Variants in KIF25 observed in about 807,000 individuals in gnomAD.
The protein encoded by KIF25 is kinesin-like protein KIF25.
In KIF25, 19 loss-of-function variants were observed where a neutral mutation model predicts 32.9. The ratio of observed to expected loss-of-function variants is 0.58; its 90% CI spans 0.40 to 0.85. KIF25 has a LOEUF of 0.85. KIF25 is among the 40% of genes least tolerant of loss of function. The probability of loss-of-function intolerance (pLI) is 0.00; values close to 1 mark genes in which losing one functional copy is unlikely to be tolerated. For synonymous variants in KIF25, 225 were observed against 213.7 expected, an observed-to-expected ratio of 1.05 and a Z score of -0.46; for missense variants, 485 against 507.0, an observed-to-expected ratio of 0.96 and a Z score of 0.42.
rs896424437 is a variant in KIF25 at position 167,998,807 on chromosome 6, T to G, written c.-662T>G. On this transcript the variant is annotated 5_prime_UTR_variant, in exon 1 of 13. Coordinates refer to ENST00000643607, the MANE Select transcript of KIF25 (RefSeq NM_030615.4). Reference sequence around the variant, plus strand: ...TGGCTCATGCCTATAATCCCAGAACTTTGGGAGGCCGAGGCGGGCGCATTA... The same window carrying G: ...TGGCTCATGCCTATAATCCCAGAACGTTGGGAGGCCGAGGCGGGCGCATTA... The G allele has an allele frequency of 6.6e-6, 1 of 152,142 alleles. No individual in the cohort carries two copies. Among genetic ancestry groups the G allele is most frequent in the Non-Finnish European group, 1.5e-5 (1 of 68,028 alleles). 9.4% of individuals were successfully genotyped at this position (152,142 alleles called of 1,614,324 possible).
At chr6:168,009,264 GT>G (rs199798456) in intron 4 of KIF25, among the ~76,000 whole-genome samples, 52 of 150,958 alleles carry the variant, frequency 3.4e-4, no homozygotes, top group East Asian at 2.9e-3. Context: ...ATTAAGAGTT[GT>G]TTTTTTTTAT....
At chr6:168,027,454 CAAAAA>C (rs757678230) in intron 5 of KIF25, among the ~76,000 whole-genome samples, 30,372 of 88,814 alleles carry the variant, frequency 0.34, 3,698 homozygotes, top group East Asian at 0.56. Flanking sequence ...ACTCTGTCTC[CAAAAA>C]AAAAAAAAAA....
chr6:168,008,944 C>T lies in KIF25; in HGVS notation c.-163+5241C>T, dbSNP rs538221875. Among the ~76,000 whole-genome samples, 10 of 152,024 alleles carry T rather than the reference C, an allele frequency of 6.6e-5. No individual in the cohort carries two copies. The East Asian group carries it at 7.7e-4, about 12-fold the overall frequency. On this transcript the variant is annotated intron_variant, in intron 4 of 12. Coordinates refer to ENST00000643607, the MANE Select transcript of KIF25 (RefSeq NM_030615.4). ...TTAATTTTGTATCCTGCAACTTTACCGAAGTTGTCGATCAGTTCTAAGAGA... is the reference window on the plus strand; with the variant it reads ...TTAATTTTGTATCCTGCAACTTTACTGAAGTTGTCGATCAGTTCTAAGAGA...
At chr6:168,027,350 G>A (rs924439024) in intron 5 of KIF25, among the ~76,000 whole-genome samples, 6 of 151,614 alleles carry the variant, frequency 4.0e-5, no homozygotes, top group Admixed American at 3.9e-4. Flanking sequence ...CTACTTGAGA[G>A]GCTGAGGCAG....
At chr6:168,026,242 G>A (rs1798858419) in intron 5 of KIF25, among the ~76,000 whole-genome samples, 1 of 152,146 alleles carries the variant, frequency 6.6e-6, no homozygotes, top group African/African-American at 2.4e-5. Context: ...AGAAGGAAGT[G>A]GAGCAGCACA....
At chr6:168,024,120 G>A (rs1026636635) in intron 5 of KIF25, among the ~76,000 whole-genome samples, 3 of 151,674 alleles carry the variant, frequency 2.0e-5, no homozygotes, top group African/African-American at 7.3e-5. Flanking sequence ...TAATTTGTAA[G>A]AGCAAAGCCA....
rs1470500781 is a variant in KIF25 at position 168,003,634 on chromosome 6, C to T, written c.-232C>T. The T allele has an allele frequency of 2.0e-5, 3 of 152,230 alleles. No homozygotes were observed. The highest frequency in any genetic ancestry group is 2.0e-4 in the Admixed American group (3 of 15,284). The allele number at this position is 152,230 out of a possible 1,614,324, so 9.4% of individuals were successfully genotyped here. A position where few individuals can be genotyped will look rare whatever the true frequency, so the allele number is the denominator to read the frequency against. On this transcript the variant is annotated 5_prime_UTR_variant, in exon 4 of 13. Coordinates refer to ENST00000643607, the MANE Select transcript of KIF25 (RefSeq NM_030615.4). ...CTCAGCTCCATCTCTAGAGAAGCGGCCCATGCTGTTGATGACCTGAGTCTA... is the reference window on the plus strand; with the variant it reads ...CTCAGCTCCATCTCTAGAGAAGCGGTCCATGCTGTTGATGACCTGAGTCTA...
intron 8 of KIF25, among the ~76,000 whole-genome samples, chr6:168,036,832 C>G (rs1032126473): frequency 6.6e-6 from 1 of 152,120 alleles, no homozygotes; most frequent in South Asian, 2.1e-4. Context: ...GAGGCTTAGG[C>G]GGGTGGATCA....
rs543713528 is a variant in KIF25 at position 167,998,360 on chromosome 6, T to A, written c.-1109T>A. On this transcript the variant is annotated 5_prime_UTR_variant, in exon 1 of 13. Coordinates refer to ENST00000643607, the MANE Select transcript of KIF25 (RefSeq NM_030615.4). ...AGAGGCTGATCCCAGCTTCTGTGGGTTCATAGAGACCAGACGGAGGCTGTA... is the reference window on the plus strand; with the variant it reads ...AGAGGCTGATCCCAGCTTCTGTGGGATCATAGAGACCAGACGGAGGCTGTA... 3 of 152,216 alleles carry A rather than the reference T, an allele frequency of 2.0e-5. No homozygotes were observed. Among genetic ancestry groups the A allele is most frequent in the African/African-American group, 2.4e-5 (1 of 41,528 alleles). The allele number at this position is 152,216 out of a possible 1,614,324, so 9.4% of individuals were successfully genotyped here. A position where few individuals can be genotyped will look rare whatever the true frequency, so the allele number is the denominator to read the frequency against.
intron 11 of KIF25, 75 bp downstream of exon 11, chr6:168,042,226 C>A (rs1562393150): frequency 7.1e-6 from 10 of 1,415,136 alleles, no homozygotes; most frequent in Non-Finnish European, 8.6e-6. Flanking sequence ...GGATGTGCAA[C>A]CAGGCAGCCC....
rs1013261994 is a variant in KIF25, at chr6:167,998,585, A to G, written c.-884A>G. 1.3e-5 allele frequency: 2 copies of G among 152,254 alleles called. No homozygotes were observed. The highest frequency in any genetic ancestry group is 4.8e-5 in the African/African-American group (2 of 41,472). 9.4% of individuals were successfully genotyped at this position (152,254 alleles called of 1,614,324 possible). A position where few individuals can be genotyped will look rare whatever the true frequency, so the allele number is the denominator to read the frequency against. ...AATAAAAAGCTTCTAATTTCCTTCC[A>G]GTCATTAAATCAAGGAAATATGACA... On this transcript the variant is annotated 5_prime_UTR_variant, in exon 1 of 13. Transcript: ENST00000643607.
chr6:168,035,372 C>T, intron 8 of KIF25, among the ~76,000 whole-genome samples: 1 of 75,864 alleles, frequency 1.3e-5, no homozygotes, highest in Non-Finnish European at 2.7e-5. Context: ...TTCCGTTTGG[C>T]TCTGGAATTT....
intron 8 of KIF25, among the ~76,000 whole-genome samples, chr6:168,038,100 A>G (rs888196178): frequency 1.2e-4 from 18 of 152,204 alleles, no homozygotes; most frequent in African/African-American, 4.3e-4. Context: ...AATTGGAATA[A>G]ACTCTGGACT....
chr6:168,044,876 G>T lies in KIF25; in HGVS notation c.1035G>T (p.Arg345Ser). The change falls in exon 13 of 13, where the codon AGG becomes AGT. Residue 345 changes from arginine (R) to serine (S), a missense_variant. Coordinates refer to ENST00000643607, the MANE Select transcript of KIF25 (RefSeq NM_030615.4). ...LVILCISPSQ[R>S]HLAQTLQGLG... is the part of the protein sequence containing the mutation. ...TTCTCTGCATTTCTCCCAGCCAGAG[G>T]CACCTGGCACAGACGTTGCAGGGCC... 1 of 1,609,576 alleles carries T rather than the reference G, an allele frequency of 6.2e-7. No individual in the cohort carries two copies. Among genetic ancestry groups the T allele is most frequent in the Middle Eastern group, 1.7e-4 (1 of 6,034 alleles).
chr6:168,016,833 T>C (rs1379443443), intron 4 of KIF25, among the ~76,000 whole-genome samples: 1 of 152,336 alleles, frequency 6.6e-6, no homozygotes, highest in African/African-American at 2.4e-5. Flanking sequence ...GCAGTGGGCA[T>C]GGGGCAGGGA....
Position 168,044,922 on chromosome 6 carries a change from C to A in KIF25, c.1081C>A (p.Arg361=). The A allele has an allele frequency of 6.2e-7, 1 of 1,613,074 alleles. No individual in the cohort carries two copies. Among genetic ancestry groups the A allele is most frequent in the South Asian group, 1.1e-5 (1 of 91,060 alleles). The change falls in exon 13 of 13, where the codon CGG becomes AGG. Residue 361 remains arginine (R), a synonymous_variant. Coordinates refer to ENST00000643607, the MANE Select transcript of KIF25 (RefSeq NM_030615.4). ...GGGCCTGGGTTTCGGGATCCGAGCTCGGCAAGTCCAGCGAGGCCCTGCCCG... is the reference window on the plus strand; with the variant it reads ...GGGCCTGGGTTTCGGGATCCGAGCTAGGCAAGTCCAGCGAGGCCCTGCCCG... The part of the protein sequence containing the change: ...LQGLGFGIRA[R]QVQRGPARKK...
At chr6:168,030,607 C>G (rs1485721258) in intron 6 of KIF25, 166 bp from the exon 7 acceptor site, 4 of 530,646 alleles carry the variant, frequency 7.5e-6, no homozygotes, top group African/African-American at 4.0e-5. Context: ...TTATTAACCT[C>G]TGTTATCTTG....
chr6:168,027,435 C>T (rs2114894729), intron 5 of KIF25, among the ~76,000 whole-genome samples: 1 of 113,350 alleles, frequency 8.8e-6, no homozygotes, highest in South Asian at 2.9e-4. Flanking sequence ...GCCTGGGCGA[C>T]AGAGCAAGAC....
chr6:168,020,842 T>C (rs1394433004), intron 5 of KIF25, among the ~76,000 whole-genome samples: 1 of 152,088 alleles, frequency 6.6e-6, no homozygotes, highest in Non-Finnish European at 1.5e-5. Flanking sequence ...ATGGAAAAGA[T>C]ATATTTACCT....
Sources: gnomAD v4.1 joint callset for allele counts (sites outside exome capture counted in the v4.1 genomes callset) on GRCh38, gnomAD v4.1.1 for gene constraint, MANE v1.5 for transcripts, NCBI Gene and HGNC (gene_info 2026-07-23, HGNC 2026-07-21) for gene names.